The following VDAC1 variants were observed in gnomAD, a reference collection of about 807,000 sequenced individuals.
VDAC1 encodes the protein non-selective voltage-gated ion channel VDAC1.
In VDAC1, 10 loss-of-function variants were observed where a neutral mutation model predicts 34.7. The observed-to-expected ratio is 0.29, with a 90% CI of 0.18 to 0.49. VDAC1 has a LOEUF of 0.49. VDAC1 is among the 20% of genes least tolerant of loss of function. The pLI is 0.99. For synonymous variants in VDAC1, 130 were observed against 136.0 expected (o/e 0.96, Z 0.30); for missense variants, 230 against 347.9 (o/e 0.66, Z 2.69).
At chr5:134,103,365 C>G in the VDAC1 span, among the ~76,000 whole-genome samples, 1 of 152,240 alleles carries the variant, frequency 6.6e-6, no homozygotes, top group East Asian at 1.9e-4. Context: ...CCAAGTGATC[C>G]GGCCACCTCG....
At chr5:134,063,788 A>G in the VDAC1 span, among the ~76,000 whole-genome samples, 4,453 of 152,316 alleles carry the variant, frequency 0.029, 72 homozygotes, top group Middle Eastern at 0.037. Context: ...CCACAGAATC[A>G]TGAGCAAATA....
In VDAC1 at chr5:133,980,848, T is replaced by C; in HGVS notation, c.432A>G (p.Leu144=). The stretch of plus-strand genomic sequence containing the variant: ...AGCCGGCCAGCCAGCCCTCGTAACC[T>C]AGCACCAGAGCACCCCGGATGGAAG... ...AGPSIRGALV[L]GYEGWLAGYQ... Residue 144 remains leucine, a synonymous_variant, in exon 6 of 9, where the codon CTA becomes CTG. Coordinates refer to ENST00000265333, the MANE Select transcript of VDAC1 (RefSeq NM_003374.3). 2.5e-6 allele frequency: 4 copies of C among 1,613,740 alleles called. No homozygotes were observed. The highest frequency in any genetic ancestry group is 2.2e-5 in the East Asian group (1 of 44,880).
the VDAC1 span, among the ~76,000 whole-genome samples, chr5:134,038,498 T>C: frequency 1.3e-5 from 2 of 152,276 alleles, no homozygotes; most frequent in Admixed American, 1.3e-4. Flanking sequence ...GGGACTTTAT[T>C]TCCTATCCAC....
At chr5:134,037,642 C>T in the VDAC1 span, among the ~76,000 whole-genome samples, 6 of 152,212 alleles carry the variant, frequency 3.9e-5, no homozygotes, top group African/African-American at 1.4e-4. Context: ...CAATGTATAG[C>T]TTCCATATGT....
chr5:134,091,809 A>C, the VDAC1 span, among the ~76,000 whole-genome samples: 8 of 152,248 alleles, frequency 5.3e-5, no homozygotes, highest in Non-Finnish European at 8.8e-5. Context: ...AGAGCTTCAG[A>C]GAGGGGATGT....
At chr5:134,006,569 C>T (rs982170711), upstream of VDAC1, among the ~76,000 whole-genome samples, 7 of 151,944 alleles carry the variant, frequency 4.6e-5, no homozygotes, top group Admixed American at 3.9e-4. Context: ...ATGGCAAAAC[C>T]CTGTCTCTAC....
At chr5:134,094,719 AAAG>A in the VDAC1 span, among the ~76,000 whole-genome samples, 2 of 150,844 alleles carry the variant, frequency 1.3e-5, no homozygotes, top group African/African-American at 4.9e-5. Flanking sequence ...AAAAAAAAAA[AAAG>A]ACATGAAATG....
the VDAC1 span, among the ~76,000 whole-genome samples, chr5:134,097,362 A>G: frequency 6.6e-6 from 1 of 152,250 alleles, no homozygotes; most frequent in Non-Finnish European, 1.5e-5. Flanking sequence ...GACCCAACCA[A>G]GCTCATTAGC....
chr5:134,017,816 G>T, the VDAC1 span, among the ~76,000 whole-genome samples: 1 of 152,188 alleles, frequency 6.6e-6, no homozygotes, highest in Non-Finnish European at 1.5e-5. Flanking sequence ...GAGAGGCTGA[G>T]GCAGGAGAAT....
the VDAC1 span, among the ~76,000 whole-genome samples, chr5:134,060,880 C>CTCTTTTTTT: frequency 8.1e-5 from 8 of 98,670 alleles, 1 homozygote; most frequent in East Asian, 2.7e-3. Context: ...TCTTCTTCTT[C>CTCTTTTTTT]TTTTTTTTTT....
the VDAC1 span, among the ~76,000 whole-genome samples, chr5:134,090,714 C>T: frequency 4.6e-5 from 7 of 152,236 alleles, no homozygotes; most frequent in Non-Finnish European, 8.8e-5. Flanking sequence ...CTGGGGCAAA[C>T]ATCCTAAACC....
chr5:134,076,631 T>G, the VDAC1 span, among the ~76,000 whole-genome samples: 1 of 152,220 alleles, frequency 6.6e-6, no homozygotes, highest in African/African-American at 2.4e-5. Flanking sequence ...AGGCTCATCC[T>G]TGGCTGACAG....
At chr5:134,108,197 A>G in the VDAC1 span, among the ~76,000 whole-genome samples, 1 of 152,132 alleles carries the variant, frequency 6.6e-6, no homozygotes, top group Non-Finnish European at 1.5e-5. Flanking sequence ...CAGAATGCCC[A>G]GCTAACAAAC....
chr5:134,033,978 C>T, the VDAC1 span, among the ~76,000 whole-genome samples: 3 of 151,258 alleles, frequency 2.0e-5, no homozygotes, highest in Admixed American at 6.6e-5. Flanking sequence ...GGCAACAGAG[C>T]GAGACTCCGT....
chr5:134,068,309 T>A, the VDAC1 span, among the ~76,000 whole-genome samples: 175 of 151,994 alleles, frequency 1.2e-3, no homozygotes, highest in African/African-American at 4.1e-3. Context: ...CCCTTAGTAT[T>A]GTGTCTTCCG....
chr5:134,047,863 C>T, the VDAC1 span, among the ~76,000 whole-genome samples: 1 of 151,974 alleles, frequency 6.6e-6, no homozygotes, highest in Admixed American at 6.6e-5. Flanking sequence ...CTGCTTTTCA[C>T]GACATCCACA....
chr5:133,974,001 C>T (rs1033945622), intron 7 of VDAC1, among the ~76,000 whole-genome samples, 153 bp from the exon 8 acceptor site: 3 of 152,178 alleles, frequency 2.0e-5, no homozygotes, highest in South Asian at 2.1e-4. Context: ...AAATTCAATA[C>T]AAAATACATC....
chr5:134,057,305 C>T, the VDAC1 span, among the ~76,000 whole-genome samples: 1 of 151,940 alleles, frequency 6.6e-6, no homozygotes, highest in Admixed American at 6.6e-5. Flanking sequence ...TATGGTGAAA[C>T]CCCATCTCTA....
the VDAC1 span, among the ~76,000 whole-genome samples, chr5:134,101,630 G>A: frequency 7.9e-5 from 12 of 151,888 alleles, no homozygotes; most frequent in Admixed American, 7.9e-4. Flanking sequence ...GAGGTAATCC[G>A]TAAATGTGAG....
Sources: allele counts gnomAD v4.1 joint callset (sites outside exome capture counted in the v4.1 genomes callset), GRCh38; gene constraint gnomAD v4.1.1; transcripts MANE v1.5; gene names NCBI Gene and HGNC (gene_info 2026-07-23, HGNC 2026-07-21).